DPYD: variants seen among roughly 807,000 people sequenced by gnomAD.
DPYD encodes the protein dihydropyrimidine dehydrogenase, also known as dihydropyrimidine dehydrogenase [NADP(+)].
In DPYD, 109 loss-of-function variants were observed where a neutral mutation model predicts 116.2. The observed-to-expected ratio is 0.94, with a 90% CI of 0.80 to 1.10. The LOEUF is 1.10. DPYD is among the 50% of genes least tolerant of loss of function. The pLI is 0.00. For missense variants in DPYD, 1,302 were observed against 1,254.5 expected (o/e 1.04, Z -0.57); for synonymous variants, 440 against 432.0 (o/e 1.02, Z -0.23).
intron 5 of DPYD, among the ~76,000 whole-genome samples, chr1:97,710,361 G>A (rs1335631971): frequency 6.6e-6 from 1 of 151,762 alleles, no homozygotes; most frequent in Non-Finnish European, 1.5e-5. Context: ...GAAATACTGA[G>A]TACATACTAA....
rs149597639 is a variant in DPYD at position 97,894,628 on chromosome 1, T to C, written c.40-11254A>G. Among the ~76,000 whole-genome samples the C allele has an allele frequency of 2.3e-3, 350 of 151,852 alleles. 4 individuals carry two copies. The highest frequency in any genetic ancestry group is 8.1e-3 in the African/African-American group (335 of 41,532). ...CAAATAATGTAACACTAGCTATTAA[T>C]TATATATCTTTATTCTTTAAACAAT... On this transcript the variant is annotated intron_variant, in intron 1 of 22. Coordinates refer to ENST00000370192, the MANE Select transcript of DPYD (RefSeq NM_000110.4).
At chr1:97,427,577 A>G (rs1479554072) in intron 14 of DPYD, among the ~76,000 whole-genome samples, 1 of 152,032 alleles carries the variant, frequency 6.6e-6, no homozygotes, top group Non-Finnish European at 1.5e-5. Context: ...TAGCCAGGAA[A>G]CTAACAGAGC....
intron 16 of DPYD, among the ~76,000 whole-genome samples, chr1:97,338,079 T>A (rs1669393797): frequency 6.6e-6 from 1 of 152,190 alleles, no homozygotes; most frequent in Non-Finnish European, 1.5e-5. Flanking sequence ...GTCTATTTGT[T>A]ACAGAGTTTT....
intron 16 of DPYD, among the ~76,000 whole-genome samples, chr1:97,310,716 C>G (rs914517522): frequency 7.2e-5 from 11 of 151,840 alleles, no homozygotes; most frequent in Middle Eastern, 3.4e-3. Context: ...TAGACATGGA[C>G]TTACTAATTA....
Position 97,674,658 on chromosome 1 carries a change from T to TA in DPYD, c.850+4436dup, listed in dbSNP as rs547677002. Among the ~76,000 whole-genome samples, 78 of 141,698 alleles carry TA rather than the reference T, an allele frequency of 5.5e-4. 1 individual carries two copies. Among genetic ancestry groups the TA allele is most frequent in the South Asian group, 9.0e-4 (4 of 4,454 alleles). 93.0% of individuals were successfully genotyped at this position (141,698 alleles called of 152,430 possible). A position where few individuals can be genotyped will look rare whatever the true frequency, so the allele number is the denominator to read the frequency against. ...TAGAATAAAATTACCCACAGAACTTTAAAAAAAAAAAAAGGAACTATACCC... is the reference window on the plus strand; with the variant it reads ...TAGAATAAAATTACCCACAGAACTTTAAAAAAAAAAAAAAGGAACTATACCC... On this transcript the variant is annotated intron_variant, in intron 8 of 22. Transcript: ENST00000370192.
chr1:97,132,776 G>A (rs1653435447), intron 20 of DPYD, among the ~76,000 whole-genome samples: 1 of 151,924 alleles, frequency 6.6e-6, no homozygotes. Context: ...TTTTTATAAT[G>A]ACTACTATTT....
chr1:97,475,516 T>C lies in DPYD; in HGVS notation c.1741-25293A>G, dbSNP rs533633103. Reference sequence around the variant, plus strand: ...TAGAGCTAGCATGGATTAATGTTCTTGATATATTGGGAGAAAAGGATTAAC... The same window carrying C: ...TAGAGCTAGCATGGATTAATGTTCTCGATATATTGGGAGAAAAGGATTAAC... On this transcript the variant is annotated intron_variant, in intron 13 of 22. Coordinates refer to ENST00000370192, the MANE Select transcript of DPYD (RefSeq NM_000110.4). 3.1e-3 allele frequency among the ~76,000 whole-genome samples: 476 copies of C among 152,290 alleles called. 1 individual carries two copies. Among genetic ancestry groups the C allele is most frequent in the Middle Eastern group, 0.024 (7 of 294 alleles).
intron 1 of DPYD, among the ~76,000 whole-genome samples, chr1:97,904,445 C>T (rs991605779): frequency 6.6e-6 from 1 of 151,836 alleles, no homozygotes; most frequent in Non-Finnish European, 1.5e-5. Context: ...GTTCTCTGGC[C>T]TCCCTTTATT....
At chr1:97,514,989 C>G (rs765859410) in intron 13 of DPYD, among the ~76,000 whole-genome samples, 1 of 151,756 alleles carries the variant, frequency 6.6e-6, no homozygotes, top group Non-Finnish European at 1.5e-5. Context: ...TACTAACTAC[C>G]AGTTAGTATT....
At chr1:97,706,552 T>G (rs191028252) in intron 5 of DPYD, among the ~76,000 whole-genome samples, 42 of 152,204 alleles carry the variant, frequency 2.8e-4, no homozygotes, top group Non-Finnish European at 5.4e-4. Context: ...CAGCAATCAC[T>G]GGTCTTTTTA....
chr1:97,432,146 T>C (rs957996884), intron 14 of DPYD, among the ~76,000 whole-genome samples: 1 of 152,176 alleles, frequency 6.6e-6, no homozygotes, highest in African/African-American at 2.4e-5. Context: ...TATTGGCTAT[T>C]GTGAATAGTG....
chr1:97,189,071 CATTT>C (rs572550945), intron 20 of DPYD, among the ~76,000 whole-genome samples: 55 of 152,196 alleles, frequency 3.6e-4, no homozygotes, highest in African/African-American at 9.6e-4. Context: ...TTTCAACATT[CATTT>C]AGTCATCAGT....
intron 1 of DPYD, 74 bp downstream of exon 1, chr1:97,920,810 G>A (rs1674479695): frequency 3.2e-6 from 5 of 1,538,622 alleles, no homozygotes; most frequent in Non-Finnish European, 3.5e-6. Context: ...GGCCGCGGGG[G>A]CCTCCCCGGC....
At chr1:97,731,612 C>G (rs1338506728) in intron 4 of DPYD, among the ~76,000 whole-genome samples, 1 of 151,924 alleles carries the variant, frequency 6.6e-6, no homozygotes, top group Non-Finnish European at 1.5e-5. Context: ...GCACACTGAA[C>G]AAGAAATCTA....
At chr1:97,285,988 A>G (rs1450608771) in intron 18 of DPYD, among the ~76,000 whole-genome samples, 1 of 152,172 alleles carries the variant, frequency 6.6e-6, no homozygotes, top group African/African-American at 2.4e-5. Context: ...TATTTTGCTC[A>G]TTAATTGATG....
chr1:97,179,223 A>G (rs966860847), intron 20 of DPYD, among the ~76,000 whole-genome samples: 1 of 152,224 alleles, frequency 6.6e-6, no homozygotes, highest in Non-Finnish European at 1.5e-5. Context: ...GATTATATAC[A>G]GTAGCACAGG....
intron 14 of DPYD, among the ~76,000 whole-genome samples, chr1:97,427,952 G>A (rs1386751290): frequency 6.6e-6 from 1 of 151,960 alleles, no homozygotes; most frequent in African/African-American, 2.4e-5. Flanking sequence ...AGATCCCACT[G>A]GTTTCTCTTA....
At chr1:97,577,011 G>A (rs1417261785) in intron 10 of DPYD, among the ~76,000 whole-genome samples, 1 of 152,182 alleles carries the variant, frequency 6.6e-6, no homozygotes, top group African/African-American at 2.4e-5. Flanking sequence ...TATTTGTTTG[G>A]AAAGTATTAA....
At chr1:97,858,141 C>T (rs146523146) in intron 2 of DPYD, among the ~76,000 whole-genome samples, 74 of 152,178 alleles carry the variant, frequency 4.9e-4, no homozygotes, top group African/African-American at 1.6e-3. Context: ...TTAACTTCTT[C>T]CCTTTTATTT....
Sources: allele counts gnomAD v4.1 joint callset (sites outside exome capture counted in the v4.1 genomes callset), GRCh38; gene constraint gnomAD v4.1.1; transcripts MANE v1.5; gene names NCBI Gene and HGNC (gene_info 2026-07-23, HGNC 2026-07-21).